The following MTMR8 variants were observed in gnomAD, a reference collection of about 807,000 sequenced individuals.
MTMR8 encodes the protein phosphatidylinositol-3,5-bisphosphate 3-phosphatase MTMR8.
A neutral mutation model predicts 39.3 loss-of-function variants in MTMR8; 65 were observed. That is an observed-to-expected ratio of 1.65 (90% CI 1.35 to 2.03). The LOEUF (loss-of-function observed/expected upper bound fraction) is 2.03. MTMR8 is among the 30% of genes most tolerant of loss of function. The pLI is 0.00. For missense variants in MTMR8, 777 were observed against 538.9 expected (o/e 1.44, Z -4.37); for synonymous variants, 245 against 185.2 (o/e 1.32, Z -2.62).
At chrX:64,293,182 G>GT (rs1344885769) in intron 12 of MTMR8, among the ~76,000 whole-genome samples, 1 of 111,663 alleles carries the variant, frequency 9.0e-6, no homozygotes, top group Non-Finnish European at 1.9e-5. Flanking sequence ...CCTGATAAGT[G>GT]TAAGTCCTCT....
chrX:64,378,234 A>C (rs1000171656), intron 1 of MTMR8, among the ~76,000 whole-genome samples: 7 of 112,152 alleles, frequency 6.2e-5, no homozygotes, highest in Non-Finnish European at 1.3e-4. Flanking sequence ...AACAAGAAGA[A>C]ATACATAAAA....
At chrX:64,373,053 T>G (rs971616807) in intron 1 of MTMR8, among the ~76,000 whole-genome samples, 1 of 111,814 alleles carries the variant, frequency 8.9e-6, no homozygotes, top group African/African-American at 3.3e-5. Context: ...ATACTCTACA[T>G]GTTATCTCAT....
At chrX:64,391,457 G>T (rs747206834) in intron 1 of MTMR8, among the ~76,000 whole-genome samples, 1 of 111,889 alleles carries the variant, frequency 8.9e-6, no homozygotes, top group Admixed American at 9.5e-5. Flanking sequence ...TGCCTGTCAG[G>T]CTGCTCCCAT....
intron 12 of MTMR8, among the ~76,000 whole-genome samples, chrX:64,290,208 A>G (rs1921348457): frequency 1.8e-5 from 2 of 110,082 alleles, no homozygotes; most frequent in Admixed American, 9.7e-5. Context: ...AAGTGAACTA[A>G]CACCTAAAAA....
intron 7 of MTMR8, among the ~76,000 whole-genome samples, chrX:64,344,806 T>C (rs1923307146): frequency 9.0e-6 from 1 of 111,672 alleles, no homozygotes; most frequent in Non-Finnish European, 1.9e-5. Context: ...TCATACCAAC[T>C]AGACCCAGAT....
intron 1 of MTMR8, among the ~76,000 whole-genome samples, chrX:64,392,582 T>TTTG (rs1569235387): frequency 9.0e-6 from 1 of 110,605 alleles, no homozygotes; most frequent in African/African-American, 3.4e-5. Flanking sequence ...ATGTTCTTTT[T>TTTG]TTTGTTTGTT....
At chrX:64,300,091 T>G (rs1323948004) in intron 12 of MTMR8, among the ~76,000 whole-genome samples, 3 of 100,949 alleles carry the variant, frequency 3.0e-5, no homozygotes, top group Non-Finnish European at 6.0e-5. Flanking sequence ...AGATGTCTAT[T>G]AGGTCTGCTT....
At chrX:64,281,779 A>C (rs1041472403) in intron 12 of MTMR8, among the ~76,000 whole-genome samples, 10 of 110,987 alleles carry the variant, frequency 9.0e-5, no homozygotes, top group African/African-American at 3.3e-4. Flanking sequence ...AATGGGAGAA[A>C]ATTTTTGCAA....
chrX:64,271,253 G>A (rs772457961), intron 12 of MTMR8, among the ~76,000 whole-genome samples, 180 bp from the exon 13 acceptor site: 8 of 111,637 alleles, frequency 7.2e-5, no homozygotes, highest in Non-Finnish European at 1.5e-4. Flanking sequence ...AAAGATACCA[G>A]CAGAAAAATC....
chrX:64,278,878 G>T (rs888472711), intron 12 of MTMR8, among the ~76,000 whole-genome samples: 4 of 111,544 alleles, frequency 3.6e-5, no homozygotes, highest in Non-Finnish European at 7.5e-5. Context: ...GACCCTATTT[G>T]CCTGGTTATC....
intron 12 of MTMR8, among the ~76,000 whole-genome samples, chrX:64,285,419 CAGA>C (rs1339432348): frequency 9.0e-6 from 1 of 111,153 alleles, no homozygotes; most frequent in African/African-American, 3.3e-5. Context: ...ATCAACGAGA[CAGA>C]AAGTTCACAA....
chrX:64,318,089 G>T (rs1263396176), intron 12 of MTMR8, among the ~76,000 whole-genome samples: 1 of 112,400 alleles, frequency 8.9e-6, no homozygotes, highest in Non-Finnish European at 1.9e-5. Flanking sequence ...ATATCCAAGT[G>T]GGGAGGGGAA....
chrX:64,313,011 T>C (rs1002229696), intron 12 of MTMR8, among the ~76,000 whole-genome samples: 3 of 112,184 alleles, frequency 2.7e-5, no homozygotes, highest in African/African-American at 9.7e-5. Flanking sequence ...TTTATTATAA[T>C]TGTTAAGGGC....
chrX:64,301,168 G>A (rs1339937182), intron 12 of MTMR8, among the ~76,000 whole-genome samples: 15 of 110,086 alleles, frequency 1.4e-4, no homozygotes, highest in African/African-American at 5.0e-4. Context: ...ATCCTGCAGA[G>A]TGTTTGCCAA....
chrX:64,360,509 CA>C (rs988008431), intron 1 of MTMR8: 90 of 134,102 alleles, frequency 6.7e-4, no homozygotes, highest in Middle Eastern at 6.1e-3. Context: ...TTCAAGACAA[CA>C]AAAAAAAATT....
chrX:64,339,060 T>C (rs1489361114), intron 8 of MTMR8, among the ~76,000 whole-genome samples: 1 of 111,102 alleles, frequency 9.0e-6, no homozygotes, highest in Non-Finnish European at 1.9e-5. Flanking sequence ...GTGAGACAAC[T>C]GGATATGTGG....
At chrX:64,275,647 TCAAA>T (rs1931856483) in intron 12 of MTMR8, among the ~76,000 whole-genome samples, 1 of 69,927 alleles carries the variant, frequency 1.4e-5, no homozygotes, top group African/African-American at 7.2e-5. Context: ...TGAGTCTCTC[TCAAA>T]AAAAAAAAAA....
chrX:64,314,735 A>T (rs751324904), intron 12 of MTMR8, among the ~76,000 whole-genome samples: 16 of 112,553 alleles, frequency 1.4e-4, no homozygotes, highest in Non-Finnish European at 3.0e-4. Flanking sequence ...CGGTCAAGGC[A>T]ATGTGGGAAG....
Position 64,361,343 on chromosome X carries a change from G to A in MTMR8, c.25-1816C>T, listed in dbSNP as rs771244190. Among the ~76,000 whole-genome samples the A allele has an allele frequency of 8.1e-5, 9 of 111,429 alleles. No individual in the cohort carries two copies. In the East Asian group the frequency reaches 2.5e-3, roughly 31 times the overall value. ...AATAAAGTTACTCAGTCCATTTTAT[G>A]AGGGCAATTTAATCTTGATTCTAAA... is the stretch of plus-strand genomic sequence containing the variant. On this transcript the variant is annotated intron_variant, in intron 1 of 13. Transcript: ENST00000374852.
Sources: gnomAD v4.1 joint callset for allele counts (sites outside exome capture counted in the v4.1 genomes callset) on GRCh38, gnomAD v4.1.1 for gene constraint, MANE v1.5 for transcripts, NCBI Gene and HGNC (gene_info 2026-07-23, HGNC 2026-07-21) for gene names.